The following XRCC5 variants were observed in gnomAD, a reference collection of about 807,000 sequenced individuals.
XRCC5 encodes the protein X-ray repair cross complementing 5.
XRCC5 carries 12 observed loss-of-function variants against 95.7 expected under a neutral mutation model. The ratio of observed to expected loss-of-function variants is 0.13; its 90% CI spans 0.08 to 0.20. XRCC5 has a LOEUF of 0.20. XRCC5 is among the 10% of genes least tolerant of loss of function. The pLI is 1.00. For missense variants in XRCC5, 595 were observed against 873.9 expected (o/e 0.68, Z 4.02); for synonymous variants, 281 against 290.3 (o/e 0.97, Z 0.33).
At chr2:216,140,033 A>G (rs1266346086) in intron 12 of XRCC5, among the ~76,000 whole-genome samples, 3 of 152,202 alleles carry the variant, frequency 2.0e-5, no homozygotes, top group Non-Finnish European at 4.4e-5. Context: ...GCTACCTTGT[A>G]GTAGTAGGTG....
intron 14 of XRCC5, among the ~76,000 whole-genome samples, chr2:216,155,838 T>A (rs1400988982): frequency 6.6e-6 from 1 of 151,896 alleles, no homozygotes; most frequent in South Asian, 2.1e-4. Context: ...GTAAGTGGGG[T>A]GCAGAGGGAG....
At chr2:216,121,505 G>A (rs891181211) in intron 5 of XRCC5, among the ~76,000 whole-genome samples, 5 of 152,260 alleles carry the variant, frequency 3.3e-5, no homozygotes, top group Admixed American at 6.5e-5. Context: ...CTGTTCTCAC[G>A]TGGTGGAAGG....
intron 16 of XRCC5, among the ~76,000 whole-genome samples, chr2:216,183,334 G>A (rs970722647): frequency 5.3e-5 from 8 of 152,060 alleles, no homozygotes; most frequent in African/African-American, 1.9e-4. Flanking sequence ...TCAATGAAAA[G>A]GCACCATTTA....
At chr2:216,187,815 ACACACACTCTCTCTCTCTCT>A (rs1216848759) in intron 16 of XRCC5, among the ~76,000 whole-genome samples, 13 of 90,372 alleles carry the variant, frequency 1.4e-4, no homozygotes, top group East Asian at 8.2e-4. Context: ...ACACACACAC[ACACACACTCTCTCTCTCTCT>A]CTCTCTCTCT....
At chr2:216,161,844 T>C in intron 15 of XRCC5, 135 bp from the exon 16 acceptor site, 2 of 723,666 alleles carry the variant, frequency 2.8e-6, no homozygotes, top group Admixed American at 5.2e-5. Context: ...TGAAAATGAA[T>C]AGAAAAGCCC....
Position 216,117,760 on chromosome 2 carries a change from A to T in XRCC5, c.334A>T (p.Ile112Phe). Residue 112 changes from isoleucine (I) to phenylalanine (F), a missense_variant, in exon 4 of 21, where the codon ATC becomes TTC. Coordinates refer to ENST00000392132, the MANE Select transcript of XRCC5 (RefSeq NM_021141.4). Reference sequence around the variant, plus strand: ...AACTAGCTGAGTCCTGGATGCACTAATCGTGAGCATGGATGTGATTCAACA... The same window carrying T: ...AACTAGCTGAGTCCTGGATGCACTATTCGTGAGCATGGATGTGATTCAACA... ...SQQADFLDAL[I>F]VSMDVIQHET... is the part of the protein sequence containing the mutation. 6.2e-7 allele frequency: 1 copy of T among 1,614,162 alleles called. No homozygotes were observed. The highest frequency in any genetic ancestry group is 8.5e-7 in the Non-Finnish European group (1 of 1,180,012).
chr2:216,162,163 C>T (rs899868339), intron 16 of XRCC5, 115 bp downstream of exon 16: 7 of 1,000,000 alleles, frequency 7.0e-6, no homozygotes, highest in African/African-American at 3.2e-5. Flanking sequence ...TCTTTACTGG[C>T]GGATCTTTGT....
chr2:216,109,524 A>G (rs1362840488), intron 1 of XRCC5, 67 bp downstream of exon 1: 4 of 1,603,602 alleles, frequency 2.5e-6, no homozygotes, highest in Non-Finnish European at 3.4e-6. Context: ...GTTCGGAAGC[A>G]GGAATCGTGG....
intron 17 of XRCC5, among the ~76,000 whole-genome samples, chr2:216,190,819 T>C (rs559069351): frequency 2.0e-5 from 3 of 152,342 alleles, no homozygotes; most frequent in Admixed American, 1.3e-4. Context: ...TTTTGTCTGT[T>C]TGATTGTTTT....
chr2:216,197,466 A>AG (rs1295036541), intron 19 of XRCC5, among the ~76,000 whole-genome samples: 2 of 151,682 alleles, frequency 1.3e-5, no homozygotes, highest in African/African-American at 2.4e-5. Context: ...AAAAAAAAAA[A>AG]AAGACAACTC....
intron 11 of XRCC5, 24 bp downstream of exon 11, chr2:216,137,249 A>G: frequency 1.9e-6 from 3 of 1,595,314 alleles, no homozygotes; most frequent in Non-Finnish European, 2.6e-6. Flanking sequence ...TCTTAATGTT[A>G]TTTTTTTTCT....
chr2:216,117,729 A>ATCCT lies in XRCC5; in HGVS notation c.320-15_320-12dup. 1 of 1,613,686 alleles carries ATCCT rather than the reference A, an allele frequency of 6.2e-7. No homozygotes were observed. The highest frequency in any genetic ancestry group is 8.5e-7 in the Non-Finnish European group (1 of 1,179,614). On this transcript the variant is annotated splice_polypyrimidine_tract_variant and intron_variant, in intron 3 of 20. Transcript: ENST00000392132. The stretch of plus-strand genomic sequence containing the variant: ...GAAGAGACTGTTTGGTGATATCCCT[A>ATCCT]TCCTTAACTAGCTGAGTCCTGGATG...
intron 7 of XRCC5, 55 bp from the exon 8 acceptor site, chr2:216,127,481 C>A: frequency 6.5e-7 from 1 of 1,539,810 alleles, no homozygotes; most frequent in East Asian, 2.3e-5. Context: ...TTTTCATCTT[C>A]TATCAATTGG....
Position 216,119,117 on chromosome 2 carries a change from A to T in XRCC5, c.443A>T (p.Asp148Val). The stretch of plus-strand genomic sequence containing the variant: ...AGCCGATTCAGCAAAAGTCAGCTGG[A>T]TATTATAATTCATAGCTTGAAGAAA... ...LSSRFSKSQL[D>V]IIIHSLKKCD... The change falls in exon 5 of 21, where the codon GAT becomes GTT. Residue 148 changes from aspartate (D) to valine (V), a missense_variant. Physicochemically the swap from Asp to Val is radical, Grantham distance 152. This residue lies in a region of XRCC5 where 286 missense variants were observed against 491.1 expected (regional missense o/e 0.58). Transcript: ENST00000392132. 6.2e-7 allele frequency: 1 copy of T among 1,614,156 alleles called. No individual in the cohort carries two copies. The highest frequency in any genetic ancestry group is 8.5e-7 in the Non-Finnish European group (1 of 1,179,994).
rs544624521 is a variant in XRCC5 at position 216,153,493 on chromosome 2, A to G, written c.1670+5217A>G. On this transcript the variant is annotated intron_variant, in intron 14 of 20. Transcript: ENST00000392132. The stretch of plus-strand genomic sequence containing the variant: ...AGGGTTCCAAAGATTGATATCAAGG[A>G]ATCTGTGAACTACCTGAAATTACAT... 2.6e-5 allele frequency among the ~76,000 whole-genome samples: 4 copies of G among 152,338 alleles called. No homozygotes were observed. In the East Asian group the frequency reaches 5.8e-4, roughly 22 times the overall value.
At chr2:216,193,906 A>AT (rs1046850596) in intron 18 of XRCC5, among the ~76,000 whole-genome samples, 1 of 152,166 alleles carries the variant, frequency 6.6e-6, no homozygotes, top group Non-Finnish European at 1.5e-5. Context: ...TAAAGAGTAG[A>AT]TTTTCTACCC....
chr2:216,203,319 C>T (rs1354470843), intron 19 of XRCC5, among the ~76,000 whole-genome samples: 1 of 152,170 alleles, frequency 6.6e-6, no homozygotes, highest in African/African-American at 2.4e-5. Context: ...CCCCACTTTC[C>T]ACTGCCCTCT....
chr2:216,130,752 G>A, intron 8 of XRCC5, 123 bp from the exon 9 acceptor site: 1 of 595,898 alleles, frequency 1.7e-6, no homozygotes, highest in Non-Finnish European at 2.9e-6. Context: ...TGATTCCAGG[G>A]AATAGAAGAT....
chr2:216,115,510 A>G (rs1468539523), intron 2 of XRCC5, among the ~76,000 whole-genome samples: 3 of 150,798 alleles, frequency 2.0e-5, no homozygotes, highest in Non-Finnish European at 3.0e-5. Flanking sequence ...GCACCCAGAC[A>G]CCGTTAGTCC....
Sources: gnomAD v4.1 joint callset for allele counts (sites outside exome capture counted in the v4.1 genomes callset) on GRCh38, gnomAD v4.1.1 for gene constraint, gnomAD v4.1.1 regional missense constraint, MANE v1.5 for transcripts, NCBI Gene and HGNC (gene_info 2026-07-23, HGNC 2026-07-21) for gene names.